Variants in ERC2 observed in about 807,000 individuals in gnomAD.
ERC2 encodes ELKS/RAB6-interacting/CAST family member 2.
Under a neutral mutation model 114.8 loss-of-function variants are expected in ERC2, and 42 were observed. The observed-to-expected ratio is 0.37, with a 90% CI of 0.29 to 0.47. ERC2 has a LOEUF of 0.47. Among genes scored for constraint, ERC2 ranks in the 20% least tolerant of loss-of-function variants. The pLI, the probability that ERC2 is intolerant of heterozygous loss-of-function variation, is 0.99. For synonymous variants in ERC2, 454 were observed against 425.5 expected (o/e 1.07, Z -0.82); for missense variants, 939 against 1,150.7 (o/e 0.82, Z 2.66).
intron 13 of ERC2, among the ~76,000 whole-genome samples, chr3:55,949,029 A>T (rs890445009): frequency 2.0e-5 from 3 of 152,188 alleles, no homozygotes; most frequent in African/African-American, 7.2e-5. Flanking sequence ...TTACGGAATA[A>T]TACACCATAG....
chr3:55,926,415 T>TAAAA (rs3076615), intron 13 of ERC2, among the ~76,000 whole-genome samples: 3,399 of 148,336 alleles, frequency 0.023, 102 homozygotes, highest in African/African-American at 0.07. Context: ...TTTTTGTTTT[T>TAAAA]AAAAAAAAAA....
intron 17 of ERC2, among the ~76,000 whole-genome samples, chr3:55,553,574 A>G (rs946827508): frequency 2.6e-5 from 4 of 151,870 alleles, no homozygotes; most frequent in Non-Finnish European, 5.9e-5. Flanking sequence ...AGGTCAGGAG[A>G]TCGAGACCAT....
chr3:56,176,346 C>G (rs1464473564), intron 3 of ERC2, among the ~76,000 whole-genome samples: 1 of 151,872 alleles, frequency 6.6e-6, no homozygotes, highest in Non-Finnish European at 1.5e-5. Flanking sequence ...AAATAAAAAC[C>G]ATAGGTAAAG....
Position 55,992,190 on chromosome 3 carries a change from G to A in ERC2, c.2122C>T (p.Leu708Phe), listed in dbSNP as rs139250346. The change falls in exon 11 of 18, where the codon CTC becomes TTC. Residue 708 changes from leucine to phenylalanine, a missense_variant. Around this residue, in one of 5 missense-constraint regions of ERC2, gnomAD observed 328 missense variants for 353.9 expected, o/e 0.93. Coordinates refer to ENST00000288221, the MANE Select transcript of ERC2 (RefSeq NM_015576.3). ...CGGTAGTAAGACGCCTCTTTATCGAGCTGTTTTATTTGGTCTGCAAACTCA... is the reference window on the plus strand; with the variant it reads ...CGGTAGTAAGACGCCTCTTTATCGAACTGTTTTATTTGGTCTGCAAACTCA... ...NPEFADQIKQLDKEASYYRDE... is the reference protein window; with the variant it reads ...NPEFADQIKQFDKEASYYRDE... The A allele has an allele frequency of 3.7e-4, 601 of 1,613,788 alleles. 1 individual carries two copies. The highest frequency in any genetic ancestry group is 4.8e-4 in the Non-Finnish European group (572 of 1,179,804).
chr3:55,952,955 A>AGGCC (rs1190734855), intron 12 of ERC2, among the ~76,000 whole-genome samples: 1 of 152,128 alleles, frequency 6.6e-6, no homozygotes, highest in Non-Finnish European at 1.5e-5. Context: ...GCACTTTGGG[A>AGGCC]GGCCGAGGTG....
intron 17 of ERC2, among the ~76,000 whole-genome samples, chr3:55,531,152 A>C (rs958877155): frequency 6.6e-6 from 1 of 152,034 alleles, no homozygotes; most frequent in African/African-American, 2.4e-5. Context: ...AGGAGGAAAG[A>C]CTTGATTATT....
intron 17 of ERC2, among the ~76,000 whole-genome samples, chr3:55,571,605 A>G (rs991665410): frequency 2.6e-5 from 4 of 152,152 alleles, no homozygotes; most frequent in Non-Finnish European, 5.9e-5. Context: ...AAAAGCCACA[A>G]CAAAGGCTCT....
At chr3:55,997,475 A>C (rs2071607110) in intron 10 of ERC2, among the ~76,000 whole-genome samples, 1 of 149,250 alleles carries the variant, frequency 6.7e-6, no homozygotes, top group African/African-American at 2.4e-5. Context: ...TTTTAAAAGA[A>C]AATTTTTAAG....
At chr3:55,765,745 G>A (rs1239224576) in intron 14 of ERC2, among the ~76,000 whole-genome samples, 6 of 152,138 alleles carry the variant, frequency 3.9e-5, no homozygotes, top group Admixed American at 6.5e-5. Context: ...AAGATGGACC[G>A]CAGACCAGAC....
At chr3:56,097,555 G>T (rs776722089) in intron 6 of ERC2, among the ~76,000 whole-genome samples, 5 of 152,084 alleles carry the variant, frequency 3.3e-5, no homozygotes, top group African/African-American at 7.2e-5. Context: ...ATATTCTATT[G>T]TATTACTCTT....
chr3:56,090,970 A>T (rs2077756846), intron 6 of ERC2, among the ~76,000 whole-genome samples: 3 of 152,160 alleles, frequency 2.0e-5, no homozygotes, highest in Non-Finnish European at 2.9e-5. Flanking sequence ...CTAAGGCAGG[A>T]TGTGCAGGTG....
chr3:56,234,247 A>G (rs2050801897), intron 3 of ERC2, among the ~76,000 whole-genome samples: 1 of 152,186 alleles, frequency 6.6e-6, no homozygotes, highest in South Asian at 2.1e-4. Context: ...TCTTGAAATG[A>G]TTTCTCAGGT....
intron 2 of ERC2, among the ~76,000 whole-genome samples, chr3:56,311,126 T>A (rs2056512061): frequency 6.6e-6 from 1 of 150,992 alleles, no homozygotes; most frequent in African/African-American, 2.4e-5. Flanking sequence ...ACTATTTTTT[T>A]TACAGATCAT....
At chr3:56,357,139 T>C (rs971180796) in intron 2 of ERC2, among the ~76,000 whole-genome samples, 1 of 152,186 alleles carries the variant, frequency 6.6e-6, no homozygotes, top group Non-Finnish European at 1.5e-5. Context: ...AAATGAAAAA[T>C]CTATGTTTCT....
chr3:55,593,878 C>T (rs1364027335), intron 17 of ERC2, among the ~76,000 whole-genome samples: 1 of 152,072 alleles, frequency 6.6e-6, no homozygotes, highest in Non-Finnish European at 1.5e-5. Context: ...ATGTCTGTGG[C>T]CTTCACCCCT....
chr3:56,237,720 A>G (rs921494664), intron 3 of ERC2, among the ~76,000 whole-genome samples: 1 of 152,156 alleles, frequency 6.6e-6, no homozygotes, highest in Non-Finnish European at 1.5e-5. Context: ...TCCCTAAGAA[A>G]CAGACATTTT....
intron 7 of ERC2, among the ~76,000 whole-genome samples, chr3:56,026,810 A>C (rs902913695): frequency 1.3e-5 from 2 of 152,190 alleles, no homozygotes; most frequent in African/African-American, 4.8e-5. Flanking sequence ...ATATGCACTC[A>C]TGTGCATTTG....
chr3:55,790,520 G>A (rs1026235247), intron 14 of ERC2, among the ~76,000 whole-genome samples: 1 of 152,250 alleles, frequency 6.6e-6, no homozygotes, highest in Middle Eastern at 3.4e-3. Flanking sequence ...TTCTTGGCAT[G>A]CCCTGCACAT....
intron 2 of ERC2, among the ~76,000 whole-genome samples, chr3:56,370,990 C>A (rs1184935673): frequency 6.6e-6 from 1 of 152,116 alleles, no homozygotes; most frequent in South Asian, 2.1e-4. Flanking sequence ...CTATATGGAG[C>A]CTTAAATGCT....
Sources: allele counts gnomAD v4.1 joint callset (sites outside exome capture counted in the v4.1 genomes callset), GRCh38; gene constraint gnomAD v4.1.1; regional missense constraint gnomAD v4.1.1; transcripts MANE v1.5; gene names NCBI Gene and HGNC (gene_info 2026-07-23, HGNC 2026-07-21).